The following DNAH10 variants were observed in gnomAD, a reference collection of about 807,000 sequenced individuals.
The protein encoded by DNAH10 is axonemal beta dynein heavy chain 10.
A neutral mutation model predicts 506.6 loss-of-function variants in DNAH10; 348 were observed. The observed-to-expected ratio is 0.69, with a 90% CI of 0.63 to 0.75. The LOEUF (loss-of-function observed/expected upper bound fraction) is 0.75, where lower values mean the gene tolerates loss of function less well. Among genes scored for constraint, DNAH10 ranks in the 30% least tolerant of loss-of-function variants. The pLI, the probability that DNAH10 is intolerant of heterozygous loss-of-function variation, is 0.00. For synonymous variants in DNAH10, 2,059 were observed against 2,198.6 expected (o/e 0.94, Z 1.78); for missense variants, 5,179 against 5,787.1 (o/e 0.89, Z 3.41).
In DNAH10 at chr12:123,933,403, G is replaced by T; in HGVS notation, c.13369G>T (p.Val4457Leu). ...HIPESYLTALVQATCRKNGWP... is the reference protein window; with the variant it reads ...HIPESYLTALLQATCRKNGWP... ...CCCTGAGTCCTACCTCACGGCGCTG[G>T]TGCAGGCCACCTGCCGGAAGAACGG... Residue 4457 changes from valine to leucine, a missense_variant, in exon 77 of 79, where the codon GTG (valine) becomes TTG (leucine). Val to Leu is a conservative substitution (Grantham distance 32). Transcript: ENST00000673944. 1 of 1,612,082 alleles carries T rather than the reference G, an allele frequency of 6.2e-7. No individual in the cohort carries two copies. The highest frequency in any genetic ancestry group is 8.5e-7 in the Non-Finnish European group (1 of 1,179,736).
intron 57 of DNAH10, among the ~76,000 whole-genome samples, chr12:123,905,496 G>T (rs568941413): frequency 6.6e-6 from 1 of 152,298 alleles, no homozygotes; most frequent in East Asian, 1.9e-4. Flanking sequence ...CAATCCAAAC[G>T]AGTAGTACCT....
In DNAH10 at chr12:123,846,081, A is replaced by G. The variant is rs1405835711; in HGVS notation, c.5741A>G (p.Tyr1914Cys). The change falls in exon 32 of 79, where the codon TAC (tyrosine) becomes TGC (cysteine). Residue 1914 changes from tyrosine to cysteine, a missense_variant. Physicochemically the swap from Tyr to Cys is radical, Grantham distance 194 (BLOSUM62 -2). Transcript: ENST00000673944. The surrounding 1 kb of genome is among the most constrained non-coding windows in gnomAD (Gnocchi z 4.5). Reference sequence around the variant, plus strand: ...TGCACGGGAACCTTTGGCTACGGCTACGAGTACATGGGCCTGAACGGCAGG... The same window carrying G: ...TGCACGGGAACCTTTGGCTACGGCTGCGAGTACATGGGCCTGAACGGCAGG... ...RQCTGTFGYGYEYMGLNGRLV... is the reference protein window; with the variant it reads ...RQCTGTFGYGCEYMGLNGRLV... 3 of 1,614,012 alleles carry G rather than the reference A, an allele frequency of 1.9e-6. No individual in the cohort carries two copies. The highest frequency in any genetic ancestry group is 2.5e-6 in the Non-Finnish European group (3 of 1,179,896).
chr12:123,829,858 A>G (rs1208739280), intron 25 of DNAH10, among the ~76,000 whole-genome samples: 1 of 152,152 alleles, frequency 6.6e-6, no homozygotes, highest in Non-Finnish European at 1.5e-5. Flanking sequence ...GGGCAAATTC[A>G]CAGGCCAAAT....
intron 39 of DNAH10, among the ~76,000 whole-genome samples, chr12:123,862,478 C>T (rs1392620475): frequency 6.6e-6 from 1 of 152,138 alleles, no homozygotes; most frequent in African/African-American, 2.4e-5. Context: ...CAGCCTCAAA[C>T]TCCTGGGCTC....
chr12:123,881,190 A>G (rs1211287159), intron 50 of DNAH10, among the ~76,000 whole-genome samples: 3 of 152,102 alleles, frequency 2.0e-5, no homozygotes, highest in Non-Finnish European at 2.9e-5. Context: ...TGGGTCAAAC[A>G]CTATTTCTAG....
At chr12:123,772,185 T>C (rs569587467) in intron 3 of DNAH10, among the ~76,000 whole-genome samples, 1 of 152,266 alleles carries the variant, frequency 6.6e-6, no homozygotes, top group South Asian at 2.1e-4. Context: ...CTCCCCTTCA[T>C]CTCCAGCCCT....
chr12:123,827,530 A>G (rs907419751), intron 25 of DNAH10, among the ~76,000 whole-genome samples: 1 of 152,218 alleles, frequency 6.6e-6, no homozygotes, highest in Non-Finnish European at 1.5e-5. Context: ...CAGAGGGGGC[A>G]TGGGTCTGTG....
rs902302488 is a variant in DNAH10, at chr12:123,850,783, C to A, written c.6103-105C>A. 157 of 1,169,202 alleles carry A rather than the reference C, an allele frequency of 1.3e-4. No individual in the cohort carries two copies. Among genetic ancestry groups the A allele is most frequent in the Non-Finnish European group, 1.7e-4 (142 of 842,010 alleles). 72.4% of individuals were successfully genotyped at this position (1,169,202 alleles called of 1,614,324 possible). A position where few individuals can be genotyped will look rare whatever the true frequency, so the allele number is the denominator to read the frequency against. On this transcript the variant is annotated intron_variant, in intron 34 of 78. Coordinates refer to ENST00000673944, the MANE Select transcript of DNAH10 (RefSeq NM_001372106.1). This position sits in a 1 kb window ranked among gnomAD's most constrained non-coding sequence, Gnocchi z 5.5. Reference sequence around the variant, plus strand: ...GACAAGTGGTGTTGTCAGCCTCATACCATGAAAATGAATCGCCACGCAGCT... The same window carrying A: ...GACAAGTGGTGTTGTCAGCCTCATAACATGAAAATGAATCGCCACGCAGCT...
At position 123,857,173 on chromosome 12, in the gene DNAH10, G is replaced by C. The variant is rs557513283; in HGVS notation, c.6556G>C (p.Val2186Leu). The C allele has an allele frequency of 3.0e-5, 49 of 1,608,848 alleles. No homozygotes were observed. Among genetic ancestry groups the C allele is most frequent in the Non-Finnish European group, 4.2e-5 (49 of 1,177,744 alleles). ...GTTTCCTGGGCTGGACTGCCCTCGC[G>C]TCCGCTACCCTGACTTCAACGATGC... The part of the protein sequence containing the change: ...DLFPGLDCPR[V>L]RYPDFNDAVE... Residue 2186 changes from valine (V) to leucine (L), a missense_variant, in exon 37 of 79, where the codon GTC (valine) becomes CTC (leucine). Val to Leu is a conservative substitution (Grantham distance 32). Coordinates refer to ENST00000673944, the MANE Select transcript of DNAH10 (RefSeq NM_001372106.1).
rs114983862 is a variant in DNAH10 at position 123,805,424 on chromosome 12, C to T, written c.2987+384C>T. On this transcript the variant is annotated intron_variant, in intron 18 of 78. Transcript: ENST00000673944. ...TGATTTCAAGTCAGCCCCTAGTTAG[C>T]GCGGTCTGTGCGTGTTGAATGCCTG... is the stretch of plus-strand genomic sequence containing the variant. Among the ~76,000 whole-genome samples, 669 of 152,298 alleles carry T rather than the reference C, an allele frequency of 4.4e-3. 7 individuals carry two copies. The highest frequency in any genetic ancestry group is 0.015 in the African/African-American group (641 of 41,534).
Position 123,762,532 on chromosome 12 carries a change from G to A in DNAH10, c.196G>A (p.Glu66Lys). ...CATCTACCGCACTATGGTGCCGGAGGAGGTGGAGGTGGAGATTGGTGAGCC... is the reference window on the plus strand; with the variant it reads ...CATCTACCGCACTATGGTGCCGGAGAAGGTGGAGGTGGAGATTGGTGAGCC... ...LFIYRTMVPE[E>K]VEVEIDEIPV... Residue 66 changes from glutamate to lysine, a missense_variant, in exon 1 of 79, where the codon GAG becomes AAG. Physicochemically the swap from Glu to Lys is moderately conservative, Grantham distance 56 (BLOSUM62 1). Coordinates refer to ENST00000673944, the MANE Select transcript of DNAH10 (RefSeq NM_001372106.1). This position sits in a 1 kb window ranked among gnomAD's most constrained non-coding sequence, Gnocchi z 5.0. 3.2e-6 allele frequency: 5 copies of A among 1,557,756 alleles called. No homozygotes were observed. The highest frequency in any genetic ancestry group is 4.3e-6 in the Non-Finnish European group (5 of 1,152,068).
Position 123,916,588 on chromosome 12 carries a change from A to C in DNAH10, c.10854A>C (p.Ile3618=), listed in dbSNP as rs747978835. 3 of 1,613,818 alleles carry C rather than the reference A, an allele frequency of 1.9e-6. No individual in the cohort carries two copies. The highest frequency in any genetic ancestry group is 2.7e-5 in the African/African-American group (2 of 74,936). The change falls in exon 63 of 79, where the codon ATA becomes ATC. Residue 3618 remains isoleucine (I), a synonymous_variant. Coordinates refer to ENST00000673944, the MANE Select transcript of DNAH10 (RefSeq NM_001372106.1). This position sits in a 1 kb window ranked among gnomAD's most constrained non-coding sequence, Gnocchi z 4.6. ...TTGACAACGTCTTAGAAAAAAATAT[A>C]AAAGTCTCCCAAGGACGGCAGTTTA... The part of the protein sequence containing the change: ...PVIDNVLEKN[I]KVSQGRQFII...
intron 11 of DNAH10, 82 bp from the exon 12 acceptor site, chr12:123,793,858 ATT>A: frequency 9.8e-7 from 1 of 1,022,584 alleles, no homozygotes; most frequent in Non-Finnish European, 1.2e-6. Context: ...CAAACCACTG[ATT>A]TTTTTTTTCT....
At chr12:123,769,794 C>T (rs1411670590) in intron 2 of DNAH10, among the ~76,000 whole-genome samples, 1 of 151,926 alleles carries the variant, frequency 6.6e-6, no homozygotes, top group African/African-American at 2.4e-5. Flanking sequence ...TGCTCTGTGG[C>T]CCAGGCTGGA....
chr12:123,914,826 C>T lies in DNAH10; in HGVS notation c.10575-26C>T, dbSNP rs143060613. ...GGCTCACAAATTGGTGAGAAAAATT[C>T]ATTTCCCAATGGCTGTTTCTTCCAG... On this transcript the variant is annotated intron_variant, in intron 61 of 78. Transcript: ENST00000673944. 1.1e-4 allele frequency: 182 copies of T among 1,609,472 alleles called. 1 individual carries two copies. In the East Asian group the frequency reaches 3.4e-3, roughly 30 times the overall value.
At chr12:123,775,566 G>A (rs1301064464) in intron 5 of DNAH10, among the ~76,000 whole-genome samples, 5 of 152,222 alleles carry the variant, frequency 3.3e-5, no homozygotes, top group Non-Finnish European at 5.9e-5. Context: ...TGTGGAGGAA[G>A]AGCATGCTGG....
At chr12:123,906,599 T>C (rs1594340992) in intron 57 of DNAH10, among the ~76,000 whole-genome samples, 1 of 152,230 alleles carries the variant, frequency 6.6e-6, no homozygotes, top group African/African-American at 2.4e-5. Flanking sequence ...CACTGCAAGA[T>C]TGTAAAATAA....
chr12:123,852,535 A>G (rs1485086498), intron 35 of DNAH10, among the ~76,000 whole-genome samples: 2 of 151,362 alleles, frequency 1.3e-5, no homozygotes, highest in Admixed American at 1.3e-4. Flanking sequence ...AACCCTTGCC[A>G]TAGATGAGGT....
intron 77 of DNAH10, chr12:123,934,347 C>A (rs567401546): frequency 3.9e-5 from 26 of 666,304 alleles, no homozygotes; most frequent in South Asian, 9.7e-5. Flanking sequence ...CCTTGATGCC[C>A]CAGGAATGAG....
Sources: gnomAD v4.1 joint callset for allele counts (sites outside exome capture counted in the v4.1 genomes callset) on GRCh38, gnomAD v4.1.1 for gene constraint, Gnocchi (gnomAD v3.1) non-coding constraint, MANE v1.5 for transcripts, NCBI Gene and HGNC (gene_info 2026-07-23, HGNC 2026-07-21) for gene names.